The following SFMBT2 variants were observed in gnomAD, a reference collection of about 807,000 sequenced individuals.
The protein encoded by SFMBT2 is scm-like with four MBT domains protein 2.
In SFMBT2, 38 loss-of-function variants were observed where a neutral mutation model predicts 110.1. That is an observed-to-expected ratio of 0.35 (90% CI 0.27 to 0.45). The LOEUF (loss-of-function observed/expected upper bound fraction) is 0.45. Among genes scored for constraint, SFMBT2 ranks in the 20% least tolerant of loss-of-function variants. The pLI is 1.00. For synonymous variants in SFMBT2, 425 were observed against 425.4 expected (o/e 1.00, Z 0.01); for missense variants, 1,011 against 1,094.9 (o/e 0.92, Z 1.08).
chr10:7,396,130 G>C (rs1008527466), intron 1 of SFMBT2, among the ~76,000 whole-genome samples: 2 of 152,156 alleles, frequency 1.3e-5, no homozygotes, highest in Non-Finnish European at 2.9e-5. Flanking sequence ...AGCTACTAGG[G>C]AGGCTGGAAT....
At chr10:7,358,344 G>A (rs896434691) in intron 4 of SFMBT2, among the ~76,000 whole-genome samples, 4 of 147,838 alleles carry the variant, frequency 2.7e-5, no homozygotes, top group African/African-American at 1.0e-4. Context: ...GCATGGCCCT[G>A]TGACATCAAC....
chr10:7,234,198 G>A (rs1232454991), intron 9 of SFMBT2, among the ~76,000 whole-genome samples: 1 of 150,004 alleles, frequency 6.7e-6, no homozygotes, highest in Non-Finnish European at 1.5e-5. Flanking sequence ...TACGTTCATG[G>A]AACAGTGCAG....
chr10:7,249,038 C>T (rs1840714158), intron 7 of SFMBT2: 1 of 901,002 alleles, frequency 1.1e-6, no homozygotes, highest in Non-Finnish European at 1.3e-6. Context: ...CATCTCAGGG[C>T]TTCAGTCAGC....
intron 4 of SFMBT2, among the ~76,000 whole-genome samples, chr10:7,331,689 T>G (rs752936670): frequency 2.6e-5 from 4 of 152,098 alleles, no homozygotes; most frequent in Non-Finnish European, 5.9e-5. Flanking sequence ...ATGAAGTGAC[T>G]GACACCCAGA....
chr10:7,187,538 G>A (rs1838455526), intron 16 of SFMBT2, among the ~76,000 whole-genome samples: 1 of 152,110 alleles, frequency 6.6e-6, no homozygotes, highest in Non-Finnish European at 1.5e-5. Flanking sequence ...TTCCACTTTG[G>A]TGATTTGGCA....
intron 1 of SFMBT2, among the ~76,000 whole-genome samples, chr10:7,388,326 G>GGATGATGATGATGATGAT (rs113666945): frequency 6.8e-6 from 1 of 146,074 alleles, no homozygotes; most frequent in South Asian, 2.2e-4. Context: ...AAACAAAGAA[G>GGATGATGATGATGATGAT]GATGATGATG....
At position 7,172,271 on chromosome 10, in the gene SFMBT2, G is replaced by A. The variant is rs1450284034; in HGVS notation, c.2152-113C>T. On this transcript the variant is annotated intron_variant, in intron 18 of 20. Coordinates refer to ENST00000397167, the MANE Select transcript of SFMBT2 (RefSeq NM_001387889.1). The surrounding 1 kb of genome is among the most constrained non-coding windows in gnomAD (Gnocchi z 4.6). ...ACCACCTAGCAAACCCTCGGAAATG[G>A]AGCCAGTGGTCCCACCCGTGGGCCC... 6.9e-7 allele frequency: 1 copy of A among 1,458,818 alleles called. No homozygotes were observed. The highest frequency in any genetic ancestry group is 9.0e-7 in the Non-Finnish European group (1 of 1,107,774). 90.4% of individuals were successfully genotyped at this position (1,458,818 alleles called of 1,614,324 possible). A position where few individuals can be genotyped will look rare whatever the true frequency, so the allele number is the denominator to read the frequency against.
In SFMBT2 at chr10:7,408,903, G is replaced by T. The variant is rs1473127556; in HGVS notation, c.-52+1958C>A. On this transcript the variant is annotated intron_variant, in intron 1 of 20. Transcript: ENST00000397167. The surrounding 1 kb of genome is among the most constrained non-coding windows in gnomAD (Gnocchi z 5.7). ...CCGGCCTCCATGCCCGCCAAGACAAGAAGATGCCCCTCTCCGATGCGCCGA... is the reference window on the plus strand; with the variant it reads ...CCGGCCTCCATGCCCGCCAAGACAATAAGATGCCCCTCTCCGATGCGCCGA... Among the ~76,000 whole-genome samples the T allele has an allele frequency of 6.6e-6, 1 of 152,134 alleles. No homozygotes were observed. Among genetic ancestry groups the T allele is most frequent in the Admixed American group, 6.6e-5 (1 of 15,266 alleles).
At chr10:7,255,387 T>C (rs990069651) in intron 7 of SFMBT2, among the ~76,000 whole-genome samples, 1 of 152,232 alleles carries the variant, frequency 6.6e-6, no homozygotes, top group African/African-American at 2.4e-5. Flanking sequence ...AAGTCCTTAG[T>C]AGATTTACAA....
At chr10:7,326,996 G>A (rs539896522) in intron 4 of SFMBT2, among the ~76,000 whole-genome samples, 91 of 151,872 alleles carry the variant, frequency 6.0e-4, no homozygotes, top group Non-Finnish European at 3.8e-4. Context: ...TAGGGATGTC[G>A]CCATGCCCTG....
At chr10:7,356,739 A>G (rs1844528105) in intron 4 of SFMBT2, among the ~76,000 whole-genome samples, 1 of 152,188 alleles carries the variant, frequency 6.6e-6, no homozygotes, top group African/African-American at 2.4e-5. Flanking sequence ...TTTTAAATGC[A>G]TGCCACAGAA....
chr10:7,231,056 AT>A (rs60623135), intron 9 of SFMBT2, among the ~76,000 whole-genome samples: 1,765 of 152,172 alleles, frequency 0.012, 36 homozygotes, highest in African/African-American at 0.04. Context: ...GCTACTAAGG[AT>A]TTTTTTCCCC....
intron 9 of SFMBT2, 24 bp from the exon 10 acceptor site, chr10:7,227,961 A>C (rs1839946750): frequency 1.3e-6 from 2 of 1,548,022 alleles, no homozygotes; most frequent in African/African-American, 1.4e-5. Flanking sequence ...AACACAGATA[A>C]AACAGCGCAC....
At chr10:7,345,886 G>A (rs780676738) in intron 4 of SFMBT2, among the ~76,000 whole-genome samples, 46 of 152,174 alleles carry the variant, frequency 3.0e-4, no homozygotes, top group Non-Finnish European at 4.3e-4. Context: ...TAGCTGGAAC[G>A]GAAATCCTCT....
In SFMBT2 at chr10:7,360,205, C is replaced by T. The variant is rs112932234; in HGVS notation, c.436+7444G>A. ...GTGTGGGGCCAGGCACACTGGCTCA[C>T]GCCTGTAACCCCAGCACTCTGGGAG... On this transcript the variant is annotated intron_variant, in intron 4 of 20. Coordinates refer to ENST00000397167, the MANE Select transcript of SFMBT2 (RefSeq NM_001387889.1). 9.5e-3 allele frequency among the ~76,000 whole-genome samples: 1,447 copies of T among 152,258 alleles called. 23 individuals are homozygous for T. Among genetic ancestry groups the T allele is most frequent in the African/African-American group, 0.033 (1,360 of 41,542 alleles).
intron 2 of SFMBT2, among the ~76,000 whole-genome samples, chr10:7,376,406 A>G (rs1845209968): frequency 6.6e-6 from 1 of 151,990 alleles, no homozygotes; most frequent in African/African-American, 2.4e-5. Flanking sequence ...CTCAACTGTG[A>G]TTTGAGCTTT....
chr10:7,191,016 T>C (rs747549488), intron 15 of SFMBT2, among the ~76,000 whole-genome samples: 8 of 152,226 alleles, frequency 5.3e-5, no homozygotes, highest in South Asian at 2.1e-4. Context: ...TCTCGTCTGC[T>C]GCCATGTAAG....
intron 12 of SFMBT2, chr10:7,204,325 T>G (rs1839058148): frequency 2.0e-6 from 2 of 985,028 alleles, no homozygotes; most frequent in African/African-American, 3.5e-5. Context: ...GAACTGTGTT[T>G]CCAGCAACGT....
intron 10 of SFMBT2, among the ~76,000 whole-genome samples, chr10:7,222,759 T>A (rs1839784328): frequency 6.6e-6 from 1 of 151,936 alleles, no homozygotes; most frequent in Non-Finnish European, 1.5e-5. Context: ...AACCTCTGCC[T>A]CCTGGGTTCA....
Sources: gnomAD v4.1 joint callset for allele counts (sites outside exome capture counted in the v4.1 genomes callset) on GRCh38, gnomAD v4.1.1 for gene constraint, Gnocchi (gnomAD v3.1) non-coding constraint, MANE v1.5 for transcripts, NCBI Gene and HGNC (gene_info 2026-07-23, HGNC 2026-07-21) for gene names.